The following FRAS1 variants were observed in gnomAD, a reference collection of about 807,000 sequenced individuals.
FRAS1 encodes Fraser extracellular matrix complex subunit 1.
FRAS1 carries 290 observed loss-of-function variants against 435.2 expected under a neutral mutation model. The ratio of observed to expected loss-of-function variants is 0.67; its 90% CI spans 0.61 to 0.73. The LOEUF (loss-of-function observed/expected upper bound fraction) is 0.73. Among genes scored for constraint, FRAS1 ranks in the 30% least tolerant of loss-of-function variants. The pLI, the probability that FRAS1 is intolerant of heterozygous loss-of-function variation, is 0.00. For synonymous variants in FRAS1, 1,800 were observed against 1,851.0 expected (o/e 0.97, Z 0.71); for missense variants, 4,860 against 5,001.5 (o/e 0.97, Z 0.85).
intron 2 of FRAS1, among the ~76,000 whole-genome samples, chr4:78,206,174 A>G (rs766483356): frequency 2.0e-5 from 3 of 152,116 alleles, no homozygotes; most frequent in Non-Finnish European, 4.4e-5. Context: ...AGATAGTCAG[A>G]TGGGCCCAGT....
intron 52 of FRAS1, among the ~76,000 whole-genome samples, 180 bp from the exon 53 acceptor site, chr4:78,473,258 G>A (rs1719762466): frequency 6.6e-6 from 1 of 151,924 alleles, no homozygotes; most frequent in African/African-American, 2.4e-5. Flanking sequence ...AGAGCTTCAG[G>A]ATTTTATTTT....
intron 70 of FRAS1, among the ~76,000 whole-genome samples, chr4:78,533,627 G>T (rs1348108572): frequency 6.6e-6 from 1 of 152,240 alleles, no homozygotes; most frequent in African/African-American, 2.4e-5. Context: ...AGAACTAATA[G>T]TGACTCCAGG....
chr4:78,193,466 T>G (rs996989647), intron 2 of FRAS1, among the ~76,000 whole-genome samples: 3 of 152,154 alleles, frequency 2.0e-5, no homozygotes, highest in South Asian at 2.1e-4. Context: ...TGTATTGGGT[T>G]CATATATATT....
intron 29 of FRAS1, among the ~76,000 whole-genome samples, chr4:78,396,982 C>G (rs746214438): frequency 2.0e-5 from 3 of 152,180 alleles, no homozygotes; most frequent in Non-Finnish European, 2.9e-5. Context: ...AAGATGTCCA[C>G]GGTGCTTCTT....
Position 78,152,801 on chromosome 4 carries a change from T to C in FRAS1, c.109-84709T>C, listed in dbSNP as rs548551631. ...GGGAATAAATAATTTGCTCCTTTGG[T>C]TGGATCTAAATCTGTCTGTCAGCAG... is the stretch of plus-strand genomic sequence containing the variant. On this transcript the variant is annotated intron_variant, in intron 2 of 73. Coordinates refer to ENST00000512123, the MANE Select transcript of FRAS1 (RefSeq NM_025074.7). Among the ~76,000 whole-genome samples the C allele has an allele frequency of 3.9e-5, 6 of 152,216 alleles. No individual in the cohort carries two copies. In the East Asian group the frequency reaches 1.2e-3, roughly 29 times the overall value.
intron 16 of FRAS1, among the ~76,000 whole-genome samples, chr4:78,316,790 A>G (rs1391768448): frequency 6.6e-6 from 1 of 152,260 alleles, no homozygotes; most frequent in East Asian, 1.9e-4. Flanking sequence ...ATGATCATTT[A>G]GTCCAACCTT....
chr4:78,298,470 T>C (rs1728251507), intron 14 of FRAS1, among the ~76,000 whole-genome samples: 1 of 152,136 alleles, frequency 6.6e-6, no homozygotes, highest in Non-Finnish European at 1.5e-5. Flanking sequence ...TATTCCTGTG[T>C]TGAAATAAAA....
chr4:78,147,334 A>C (rs1393425797), intron 2 of FRAS1, among the ~76,000 whole-genome samples: 1 of 152,164 alleles, frequency 6.6e-6, no homozygotes, highest in African/African-American at 2.4e-5. Context: ...TACGGAGCTG[A>C]GTTCCTGATA....
At chr4:78,376,133 G>A (rs967538975) in intron 26 of FRAS1, among the ~76,000 whole-genome samples, 3 of 152,156 alleles carry the variant, frequency 2.0e-5, no homozygotes, top group Non-Finnish European at 2.9e-5. Flanking sequence ...TAAGAAATTG[G>A]CATAAAACTT....
At chr4:78,472,454 C>A in intron 52 of FRAS1, 124 bp downstream of exon 52, 1 of 738,616 alleles carries the variant, frequency 1.4e-6, no homozygotes, top group Non-Finnish European at 2.1e-6. Flanking sequence ...TTGCAGAGAT[C>A]TTCTAGTGCT....
intron 59 of FRAS1, among the ~76,000 whole-genome samples, chr4:78,492,168 AT>A (rs1206891311): frequency 1.3e-5 from 2 of 152,166 alleles, no homozygotes; most frequent in Non-Finnish European, 2.9e-5. Flanking sequence ...ATGGAAAAAT[AT>A]TCCATGCTCA....
rs368613886 is a variant in FRAS1, at chr4:78,489,084, A to G, written c.8958+4A>G. The G allele has an allele frequency of 3.1e-5, 50 of 1,609,488 alleles. No individual in the cohort carries two copies. In the East Asian group the frequency reaches 6.0e-4, roughly 19 times the overall value. ...TACATTTCTCAAAGGGGACAAAGTA[A>G]GTGGATTGGTGGTGGCTGAAAGATG... is the stretch of plus-strand genomic sequence containing the variant. On this transcript the variant is annotated splice_donor_region_variant and intron_variant, in intron 59 of 73. Transcript: ENST00000512123.
intron 14 of FRAS1, among the ~76,000 whole-genome samples, chr4:78,299,394 C>T (rs559049208): frequency 6.6e-6 from 1 of 152,342 alleles, no homozygotes; most frequent in East Asian, 1.9e-4. Context: ...CCCAGACCTT[C>T]TCCTGTGTCA....
chr4:78,176,588 T>C (rs2110044454), intron 2 of FRAS1, among the ~76,000 whole-genome samples: 1 of 152,366 alleles, frequency 6.6e-6, no homozygotes, highest in Non-Finnish European at 1.5e-5. Context: ...TCCCAGTTTC[T>C]GCAACCTGTC....
chr4:78,275,631 T>C (rs1225481208), intron 9 of FRAS1, among the ~76,000 whole-genome samples: 8 of 152,214 alleles, frequency 5.3e-5, no homozygotes, highest in Admixed American at 5.2e-4. Context: ...TTAAGAATGT[T>C]GAAAATTGGC....
Position 78,387,571 on chromosome 4 carries a change from A to G in FRAS1, c.3845A>G (p.Asp1282Gly). Residue 1282 changes from aspartate (D) to glycine (G), a missense_variant, in exon 29 of 74, where the codon GAT becomes GGT. Physicochemically the swap from Asp to Gly is moderately conservative, Grantham distance 94. Transcript: ENST00000512123. ...PATPIYQFQLDELSRGLLHYA... is the reference protein window; with the variant it reads ...PATPIYQFQLGELSRGLLHYA... Reference sequence around the variant, plus strand: ...ACCCCTATCTATCAATTCCAGCTGGATGAACTCTCTAGAGGCCTTCTCCAC... The same window carrying G: ...ACCCCTATCTATCAATTCCAGCTGGGTGAACTCTCTAGAGGCCTTCTCCAC... 6.2e-7 allele frequency: 1 copy of G among 1,613,742 alleles called. No homozygotes were observed. Among genetic ancestry groups the G allele is most frequent in the Non-Finnish European group, 8.5e-7 (1 of 1,179,820 alleles).
chr4:78,478,204 C>A (rs1322839787), intron 55 of FRAS1, 143 bp downstream of exon 55: 3 of 917,102 alleles, frequency 3.3e-6, no homozygotes, highest in Non-Finnish European at 4.8e-6. Flanking sequence ...GTTCCCACAA[C>A]AACCCTGATG....
chr4:78,473,711 A>G (rs1719780655), intron 53 of FRAS1, 114 bp downstream of exon 53: 7 of 678,682 alleles, frequency 1.0e-5, no homozygotes, highest in Admixed American at 3.2e-5. Context: ...GGTGATGGTG[A>G]TGATGGCAGT....
chr4:78,172,852 TG>T (rs1447936060), intron 2 of FRAS1, among the ~76,000 whole-genome samples: 1 of 152,110 alleles, frequency 6.6e-6, no homozygotes, highest in African/African-American at 2.4e-5. Flanking sequence ...AAGAGCTCTT[TG>T]GGGCCCCTTT....
Sources: gnomAD v4.1 joint callset for allele counts (sites outside exome capture counted in the v4.1 genomes callset) on GRCh38, gnomAD v4.1.1 for gene constraint, MANE v1.5 for transcripts, NCBI Gene and HGNC (gene_info 2026-07-23, HGNC 2026-07-21) for gene names.